PROS1: variants seen among roughly 807,000 people sequenced by gnomAD.
PROS1 encodes vitamin K-dependent protein S.
PROS1 carries 29 observed loss-of-function variants against 75.9 expected under a neutral mutation model. The observed-to-expected ratio is 0.38, with a 90% CI of 0.28 to 0.52. The LOEUF (loss-of-function observed/expected upper bound fraction) is 0.52, where lower values mean the gene tolerates loss of function less well. Ranked by LOEUF, PROS1 falls within the 20% of genes least tolerant of loss-of-function variation. PROS1 has a pLI of 0.83. For missense variants in PROS1, 680 were observed against 810.3 expected, an observed-to-expected ratio of 0.84 and a Z score of 1.95; for synonymous variants, 245 against 280.6, an observed-to-expected ratio of 0.87 and a Z score of 1.27.
At chr3:93,951,999 T>C (rs1376998773) in intron 1 of PROS1, among the ~76,000 whole-genome samples, 3 of 152,246 alleles carry the variant, frequency 2.0e-5, no homozygotes, top group East Asian at 3.9e-4. Flanking sequence ...CATTACATAA[T>C]GGTAAAGGGA....
At chr3:93,955,678 A>T (rs1345920428) in intron 1 of PROS1, among the ~76,000 whole-genome samples, 1 of 152,072 alleles carries the variant, frequency 6.6e-6, no homozygotes, top group Non-Finnish European at 1.5e-5. Flanking sequence ...ATACATATGT[A>T]ACAAACCTGC....
intron 1 of PROS1, among the ~76,000 whole-genome samples, chr3:93,967,250 T>C (rs1207145086): frequency 6.6e-6 from 1 of 152,200 alleles, no homozygotes; most frequent in African/African-American, 2.4e-5. Context: ...CGGTAGATTG[T>C]TGATTAAGAA....
At chr3:93,953,788 C>T (rs1341452558) in intron 1 of PROS1, among the ~76,000 whole-genome samples, 54 of 152,058 alleles carry the variant, frequency 3.6e-4, no homozygotes, top group Admixed American at 3.5e-3. Flanking sequence ...AGTCCAATTG[C>T]CCCTGTTTGC....
intron 12 of PROS1, among the ~76,000 whole-genome samples, chr3:93,882,499 G>A (rs149880175): frequency 1.3e-5 from 2 of 152,246 alleles, no homozygotes; most frequent in African/African-American, 4.8e-5. Context: ...AGCTGAGGTC[G>A]CAGAGCAACA....
chr3:93,910,891 T>C (rs190950438), intron 3 of PROS1, 186 bp from the exon 4 acceptor site: 9 of 597,112 alleles, frequency 1.5e-5, no homozygotes, highest in South Asian at 6.1e-5. Flanking sequence ...ACAAGCAAGA[T>C]GGCAACAGAT....
At chr3:93,875,659 TATCTATCTATCTATCTATC>T (rs879921971) in intron 14 of PROS1, among the ~76,000 whole-genome samples, 2,246 of 151,820 alleles carry the variant, frequency 0.015, 24 homozygotes, top group Non-Finnish European at 0.025. Flanking sequence ...TCTATCTATC[TATCTATCTATCTATCTATC>T]ATCTATCTAT....
At chr3:93,925,023 T>C (rs532832938) in intron 2 of PROS1, among the ~76,000 whole-genome samples, 8 of 152,336 alleles carry the variant, frequency 5.3e-5, no homozygotes, top group Admixed American at 2.0e-4. Flanking sequence ...ATACATCTTA[T>C]GTACATGTAG....
chr3:93,969,574 A>G (rs574946944), intron 1 of PROS1, among the ~76,000 whole-genome samples: 7 of 152,280 alleles, frequency 4.6e-5, no homozygotes, highest in African/African-American at 1.7e-4. Flanking sequence ...TCACAGAGAC[A>G]CATAGGACTG....
At position 93,973,802 on chromosome 3, in the gene PROS1, C is replaced by G; in HGVS notation, c.-53G>C. ...GACGGTGGCGCGTCGCGGCGGGGACCGGAGCGCTAGGCGCCGCGGAGCTGC... is the reference window on the plus strand; with the variant it reads ...GACGGTGGCGCGTCGCGGCGGGGACGGGAGCGCTAGGCGCCGCGGAGCTGC... On this transcript the variant is annotated 5_prime_UTR_variant, in exon 1 of 15. Coordinates refer to ENST00000394236, the MANE Select transcript of PROS1 (RefSeq NM_000313.4). The G allele has an allele frequency of 2.0e-6, 3 of 1,516,268 alleles. No individual in the cohort carries two copies. The highest frequency in any genetic ancestry group is 2.7e-6 in the Non-Finnish European group (3 of 1,111,850). 93.9% of individuals were successfully genotyped at this position (1,516,268 alleles called of 1,614,324 possible).
intron 12 of PROS1, among the ~76,000 whole-genome samples, chr3:93,883,349 C>A (rs1708299458): frequency 6.6e-6 from 1 of 152,146 alleles, no homozygotes. Flanking sequence ...CCTGTAATCC[C>A]AGCACTTAGA....
chr3:93,876,281 C>A (rs987399029), intron 14 of PROS1, among the ~76,000 whole-genome samples: 7 of 152,120 alleles, frequency 4.6e-5, no homozygotes, highest in African/African-American at 1.4e-4. Flanking sequence ...GTTTGTTTTG[C>A]AATAGTTGAT....
intron 1 of PROS1, among the ~76,000 whole-genome samples, chr3:93,959,326 A>C (rs1485152018): frequency 2.0e-5 from 3 of 152,182 alleles, no homozygotes; most frequent in Non-Finnish European, 4.4e-5. Context: ...AATAACAACA[A>C]CCAAAAAAAG....
intron 7 of PROS1, among the ~76,000 whole-genome samples, chr3:93,900,520 G>T (rs925054688): frequency 6.6e-6 from 1 of 152,116 alleles, no homozygotes; most frequent in Admixed American, 6.5e-5. Context: ...TGATATAAAT[G>T]ATGTGAAAAT....
At position 93,886,517 on chromosome 3, in the gene PROS1, G is replaced by GA. The variant is rs1301506021; in HGVS notation, c.1156-15dup. Reference sequence around the variant, plus strand: ...TTCCACAGACACCTACAATTAAAAAGAAAAATTACCAAATAACCAAGTATT... The same window carrying GA: ...TTCCACAGACACCTACAATTAAAAAGAAAAAATTACCAAATAACCAAGTATT... On this transcript the variant is annotated splice_polypyrimidine_tract_variant and intron_variant, in intron 10 of 14. Coordinates refer to ENST00000394236, the MANE Select transcript of PROS1 (RefSeq NM_000313.4). The GA allele has an allele frequency of 1.3e-6, 2 of 1,582,520 alleles. No homozygotes were observed. The highest frequency in any genetic ancestry group is 1.7e-6 in the Non-Finnish European group (2 of 1,151,884).
At chr3:93,943,552 T>C (rs1159297164) in intron 1 of PROS1, among the ~76,000 whole-genome samples, 2 of 152,084 alleles carry the variant, frequency 1.3e-5, no homozygotes, top group East Asian at 3.9e-4. Flanking sequence ...ACATTGCCCC[T>C]AATCCCACTC....
chr3:93,933,302 C>A (rs1466539425), intron 1 of PROS1, among the ~76,000 whole-genome samples: 1 of 152,182 alleles, frequency 6.6e-6, no homozygotes, highest in Non-Finnish European at 1.5e-5. Flanking sequence ...AGGCTGGGTA[C>A]TGTGGCTCGC....
At chr3:93,936,008 T>C (rs1389000761) in intron 1 of PROS1, among the ~76,000 whole-genome samples, 7 of 151,398 alleles carry the variant, frequency 4.6e-5, no homozygotes, top group Admixed American at 6.6e-5. Flanking sequence ...ACTGTTTTTT[T>C]TTTCATAGTA....
rs1416978913 is a variant in PROS1 at position 93,953,795 on chromosome 3, T to G, written c.76+19879A>C. Among the ~76,000 whole-genome samples the G allele has an allele frequency of 3.3e-5, 5 of 152,118 alleles. No homozygotes were observed. In the East Asian group the frequency reaches 7.7e-4, roughly 23 times the overall value. On this transcript the variant is annotated intron_variant, in intron 1 of 14. Coordinates refer to ENST00000394236, the MANE Select transcript of PROS1 (RefSeq NM_000313.4). ...AAAGAGGAAGTCCAATTGCCCCTGT[T>G]TGCAGATGACATGACTGTATATTTA... is the stretch of plus-strand genomic sequence containing the variant.
chr3:93,938,626 A>T (rs911910262), intron 1 of PROS1, among the ~76,000 whole-genome samples: 1 of 152,030 alleles, frequency 6.6e-6, no homozygotes, highest in African/African-American at 2.4e-5. Flanking sequence ...CTCTCTTGCT[A>T]CCCTTCAATC....
Sources: gnomAD v4.1 joint callset for allele counts (sites outside exome capture counted in the v4.1 genomes callset) on GRCh38, gnomAD v4.1.1 for gene constraint, MANE v1.5 for transcripts, NCBI Gene and HGNC (gene_info 2026-07-23, HGNC 2026-07-21) for gene names.